STAG1: variants seen among roughly 807,000 people sequenced by gnomAD.
STAG1 encodes the protein STAG1 cohesin complex component.
STAG1 carries 26 observed loss-of-function variants against 170.9 expected under a neutral mutation model. The observed-to-expected ratio is 0.15, with a 90% confidence interval of 0.11 to 0.21. STAG1 has a LOEUF of 0.21. STAG1 is among the 10% of genes least tolerant of loss of function. STAG1 has a pLI of 1.00. For missense variants in STAG1, 964 were observed against 1,509.5 expected (o/e 0.64, Z 5.99); for synonymous variants, 514 against 497.7 (o/e 1.03, Z -0.44).
chr3:136,420,857 C>T (rs1184267909), intron 20 of STAG1, among the ~76,000 whole-genome samples: 1 of 152,228 alleles, frequency 6.6e-6, no homozygotes, highest in Admixed American at 6.5e-5. Context: ...TCACGACAAC[C>T]CCCACCTCCT....
intron 1 of STAG1, among the ~76,000 whole-genome samples, chr3:136,744,339 T>C (rs554461591): frequency 2.0e-5 from 3 of 152,126 alleles, no homozygotes; most frequent in African/African-American, 4.8e-5. Context: ...AAAATAAAAA[T>C]ACAAGGATTT....
intron 1 of STAG1, among the ~76,000 whole-genome samples, chr3:136,666,797 G>A (rs1248420275): frequency 6.6e-6 from 1 of 151,430 alleles, no homozygotes; most frequent in East Asian, 1.9e-4. Flanking sequence ...TCCAGCCTGG[G>A]TGACAGAGTG....
intron 22 of STAG1, among the ~76,000 whole-genome samples, chr3:136,386,373 G>A (rs1308359431): frequency 6.6e-6 from 1 of 151,978 alleles, no homozygotes; most frequent in Non-Finnish European, 1.5e-5. Flanking sequence ...TAAAAGTCTT[G>A]TCAGCAAGAT....
At chr3:136,405,258 T>TTTTTTTTTTTTTTC (rs1560091864) in intron 21 of STAG1, among the ~76,000 whole-genome samples, 22 of 115,698 alleles carry the variant, frequency 1.9e-4, no homozygotes, top group African/African-American at 5.8e-4. Context: ...TTTTTTTTTT[T>TTTTTTTTTTTTTTC]TCAGACGAAG....
intron 6 of STAG1, among the ~76,000 whole-genome samples, chr3:136,530,414 T>C (rs180847021): frequency 2.0e-5 from 3 of 152,324 alleles, no homozygotes; most frequent in East Asian, 1.9e-4. Flanking sequence ...AGAATACACA[T>C]TATTCTCTGA....
At chr3:136,732,890 G>C (rs1055146656) in intron 1 of STAG1, among the ~76,000 whole-genome samples, 1 of 152,018 alleles carries the variant, frequency 6.6e-6, no homozygotes, top group African/African-American at 2.4e-5. Context: ...TTACAGGCTT[G>C]AGCCACCACG....
chr3:136,687,737 A>AT (rs397876527), intron 1 of STAG1, among the ~76,000 whole-genome samples: 14,038 of 141,722 alleles, frequency 0.099, 706 homozygotes, highest in South Asian at 0.13. Context: ...GAAGAGACCA[A>AT]TTTTTTTTTT....
At chr3:136,353,539 A>T (rs915105625) in intron 28 of STAG1, among the ~76,000 whole-genome samples, 1 of 152,260 alleles carries the variant, frequency 6.6e-6, no homozygotes, top group African/African-American at 2.4e-5. Flanking sequence ...CTCACAATGG[A>T]GGCCAGAAGG....
At chr3:136,388,964 A>G (rs960992812) in intron 22 of STAG1, among the ~76,000 whole-genome samples, 9 of 152,076 alleles carry the variant, frequency 5.9e-5, no homozygotes, top group African/African-American at 2.2e-4. Context: ...TTTATATATA[A>G]TAAGTTTAAA....
chr3:136,427,791 A>G (rs149762036), intron 16 of STAG1, among the ~76,000 whole-genome samples: 11 of 152,294 alleles, frequency 7.2e-5, no homozygotes, highest in African/African-American at 1.4e-4. Context: ...GAATTGCTAT[A>G]AAAAAGGCAC....
At chr3:136,515,351 T>G (rs533686956) in intron 7 of STAG1, among the ~76,000 whole-genome samples, 1 of 152,246 alleles carries the variant, frequency 6.6e-6, no homozygotes, top group East Asian at 1.9e-4. Flanking sequence ...GGTAACACAG[T>G]GAGACTCCAT....
intron 3 of STAG1, among the ~76,000 whole-genome samples, chr3:136,608,281 C>G (rs1390786732): frequency 6.6e-6 from 1 of 151,436 alleles, no homozygotes; most frequent in Non-Finnish European, 1.5e-5. Flanking sequence ...AAACTGCACA[C>G]TGGTAATACC....
At chr3:136,401,377 C>A (rs2087320097) in intron 21 of STAG1, among the ~76,000 whole-genome samples, 2 of 152,136 alleles carry the variant, frequency 1.3e-5, no homozygotes, top group Non-Finnish European at 2.9e-5. Context: ...AAAATAGGGA[C>A]AAAATCCTAT....
intron 6 of STAG1, 69 bp from the exon 7 acceptor site, chr3:136,521,486 TCC>T: frequency 1.4e-6 from 2 of 1,413,256 alleles, no homozygotes; most frequent in Non-Finnish European, 2.0e-6. Context: ...TTTTTTTTCT[TCC>T]TACCTACATA....
intron 21 of STAG1, among the ~76,000 whole-genome samples, chr3:136,400,317 T>C (rs2087282818): frequency 6.6e-6 from 1 of 152,058 alleles, no homozygotes; most frequent in Non-Finnish European, 1.5e-5. Context: ...AAACTCCACC[T>C]ACCGGGTTCA....
chr3:136,618,386 C>T (rs1455630398), intron 3 of STAG1, among the ~76,000 whole-genome samples: 1 of 152,242 alleles, frequency 6.6e-6, no homozygotes, highest in Non-Finnish European at 1.5e-5. Flanking sequence ...ACCATTGTTC[C>T]ATCTGTAAGG....
chr3:136,748,411 T>C (rs912924889), intron 1 of STAG1, among the ~76,000 whole-genome samples: 1 of 151,826 alleles, frequency 6.6e-6, no homozygotes, highest in East Asian at 1.9e-4. Context: ...TTTTTTTTTT[T>C]CCTGAGACGG....
chr3:136,719,742 A>G (rs1933117434), intron 1 of STAG1, among the ~76,000 whole-genome samples: 1 of 151,816 alleles, frequency 6.6e-6, no homozygotes, highest in Non-Finnish European at 1.5e-5. Flanking sequence ...CCAAAGTTTC[A>G]GCTAAATACT....
chr3:136,473,665 AGAAG>A, intron 10 of STAG1, 28 bp from the exon 11 acceptor site: 1 of 1,545,586 alleles, frequency 6.5e-7, no homozygotes, highest in Non-Finnish European at 8.9e-7. Context: ...AAAGCACAAC[AGAAG>A]GAGTCAATTC....
Sources: gnomAD v4.1 joint callset for allele counts (sites outside exome capture counted in the v4.1 genomes callset) on GRCh38, gnomAD v4.1.1 for gene constraint, MANE v1.5 for transcripts, NCBI Gene and HGNC (gene_info 2026-07-23, HGNC 2026-07-21) for gene names.